The following NGEF variants were observed in gnomAD, a reference collection of about 807,000 sequenced individuals.
The protein encoded by NGEF is ephexin-1.
Under a neutral mutation model 80.9 loss-of-function variants are expected in NGEF, and 31 were observed. That is an observed-to-expected ratio of 0.38 (90% CI 0.29 to 0.52). The LOEUF (loss-of-function observed/expected upper bound fraction) is 0.52, where lower values mean the gene tolerates loss of function less well. NGEF is among the 20% of genes least tolerant of loss of function. The pLI is 0.84. For synonymous variants in NGEF, 371 were observed against 370.2 expected, an observed-to-expected ratio of 1.00 and a Z score of -0.03; for missense variants, 709 against 926.2, an observed-to-expected ratio of 0.77 and a Z score of 3.04.
intron 3 of NGEF, among the ~76,000 whole-genome samples, chr2:232,968,486 A>G (rs1390883788): frequency 1.3e-5 from 2 of 151,726 alleles, no homozygotes; most frequent in Admixed American, 6.6e-5. Flanking sequence ...GCTTACTGCA[A>G]TCTCTGCCTT....
intron 2 of NGEF, among the ~76,000 whole-genome samples, chr2:232,971,521 C>T (rs577315449): frequency 6.6e-6 from 1 of 152,220 alleles, no homozygotes; most frequent in African/African-American, 2.4e-5. Flanking sequence ...CCTGTCTCTA[C>T]TAAAAATACA....
At chr2:232,905,991 C>A (rs1164774550) in intron 5 of NGEF, 1 of 142,204 alleles carries the variant, frequency 7.0e-6, no homozygotes, top group Non-Finnish European at 1.5e-5. Flanking sequence ...GCCCCTCTGC[C>A]CGGCCAGCCG....
chr2:233,007,424 C>T (rs146587128), intron 1 of NGEF, among the ~76,000 whole-genome samples: 5 of 152,274 alleles, frequency 3.3e-5, no homozygotes, highest in African/African-American at 1.2e-4. Context: ...TGTGTCTGAG[C>T]CCTGCTCAGG....
intron 1 of NGEF, among the ~76,000 whole-genome samples, chr2:232,978,992 T>C (rs1444199760): frequency 6.6e-6 from 1 of 152,184 alleles, no homozygotes; most frequent in Non-Finnish European, 1.5e-5. Flanking sequence ...GTTGCCTGTG[T>C]CAGTGCTGAT....
chr2:232,991,199 A>G (rs1297316220), intron 1 of NGEF, among the ~76,000 whole-genome samples: 3 of 152,136 alleles, frequency 2.0e-5, no homozygotes, highest in Admixed American at 2.0e-4. Context: ...CACTCTCACC[A>G]CTACTGTTCA....
At chr2:232,897,005 AGGGTAGGGGCGAGTGTGG>A (rs1692115391) in intron 5 of NGEF, among the ~76,000 whole-genome samples, 1 of 102,332 alleles carries the variant, frequency 9.8e-6, no homozygotes, top group African/African-American at 3.9e-5. Flanking sequence ...GGTGCGGGTG[AGGGTAGGGGCGAGTGTGG>A]GGGTAGGAGT....
intron 5 of NGEF, among the ~76,000 whole-genome samples, chr2:232,912,062 C>A (rs1261425006): frequency 6.6e-6 from 1 of 152,164 alleles, no homozygotes; most frequent in Non-Finnish European, 1.5e-5. Flanking sequence ...AGTGAAGGAA[C>A]AGACAGCCTT....
chr2:233,004,769 C>T (rs1229565101), intron 1 of NGEF, among the ~76,000 whole-genome samples: 3 of 151,956 alleles, frequency 2.0e-5, no homozygotes, highest in Admixed American at 2.0e-4. Flanking sequence ...GAATCAGGCT[C>T]GGCTTTGCCT....
At position 233,007,573 on chromosome 2, in the gene NGEF, G is replaced by T. The variant is rs151248401; in HGVS notation, c.-75+5495C>A. ...GACCCTAGCACTGCTCACATGAGAA[G>T]ATGCTGGCTGTCTATGCATGCTACT... On this transcript the variant is annotated intron_variant, in intron 1 of 14. Transcript: ENST00000264051. Among the ~76,000 whole-genome samples the T allele has an allele frequency of 4.5e-3, 689 of 152,330 alleles. 5 individuals carry two copies. Among genetic ancestry groups the T allele is most frequent in the Non-Finnish European group, 7.4e-3 (506 of 68,028 alleles).
intron 3 of NGEF, among the ~76,000 whole-genome samples, chr2:232,956,781 TAAAAAAAA>T (rs57407464): frequency 0.1 from 6,209 of 62,244 alleles, 367 homozygotes; most frequent in African/African-American, 0.26. Flanking sequence ...AGACTCCATC[TAAAAAAAA>T]AAAAAAAAAA....
intron 1 of NGEF, among the ~76,000 whole-genome samples, chr2:232,988,748 T>C (rs1433061975): frequency 6.6e-6 from 1 of 152,132 alleles, no homozygotes; most frequent in Non-Finnish European, 1.5e-5. Flanking sequence ...GCAACCGGGG[T>C]GTCTTTTGAT....
rs572683356 is a variant in NGEF at position 233,010,268 on chromosome 2, C to T, written c.-75+2800G>A. Among the ~76,000 whole-genome samples, 4 of 152,298 alleles carry T rather than the reference C, an allele frequency of 2.6e-5. No individual in the cohort carries two copies. The East Asian group carries it at 7.7e-4, about 29-fold the overall frequency. On this transcript the variant is annotated intron_variant, in intron 1 of 14. Transcript: ENST00000264051. ...CCAACCCTTACTGCAGGGCTCCCTC[C>T]CTTTTGCTAAAACCCTGCTGTCCCT...
intron 3 of NGEF, among the ~76,000 whole-genome samples, chr2:232,941,965 T>G (rs1250244247): frequency 7.4e-6 from 1 of 135,678 alleles, no homozygotes; most frequent in Non-Finnish European, 1.5e-5. Flanking sequence ...CCCTTTTCCT[T>G]CCATAAATCC....
Position 232,879,322 on chromosome 2 carries a change from C to T in NGEF, c.*167G>A. 1.5e-6 allele frequency: 1 copy of T among 648,156 alleles called. No homozygotes were observed. The highest frequency in any genetic ancestry group is 2.6e-6 in the Non-Finnish European group (1 of 381,514). 40.2% of individuals were successfully genotyped at this position (648,156 alleles called of 1,614,324 possible). ...TTTATCCAGTTTGCGAGCAAGGGGC[C>T]AAGACACATGAGCACTCACTGCGTG... On this transcript the variant is annotated 3_prime_UTR_variant, in exon 15 of 15. Coordinates refer to ENST00000264051, the MANE Select transcript of NGEF (RefSeq NM_019850.3).
intron 1 of NGEF, among the ~76,000 whole-genome samples, chr2:232,984,066 C>T (rs1296245787): frequency 6.6e-6 from 1 of 152,166 alleles, no homozygotes; most frequent in African/African-American, 2.4e-5. Context: ...ATGCGCTTTC[C>T]TGATGCTGGG....
intron 1 of NGEF, among the ~76,000 whole-genome samples, chr2:232,990,530 G>C (rs1345019700): frequency 1.3e-5 from 2 of 152,048 alleles, no homozygotes; most frequent in Non-Finnish European, 2.9e-5. Flanking sequence ...AAATTCATCT[G>C]CAGGATAAAC....
chr2:232,897,330 G>A (rs1020432809), intron 5 of NGEF, among the ~76,000 whole-genome samples: 2 of 152,020 alleles, frequency 1.3e-5, no homozygotes, highest in Admixed American at 6.5e-5. Context: ...GGTTTTGCAG[G>A]CTGTTTCACT....
chr2:232,914,957 C>T (rs1043155108), intron 5 of NGEF, among the ~76,000 whole-genome samples: 1 of 148,422 alleles, frequency 6.7e-6, no homozygotes, highest in African/African-American at 2.5e-5. Context: ...GCAGAGGCTG[C>T]AGCAAGCCGA....
intron 2 of NGEF, 148 bp from the exon 3 acceptor site, chr2:232,970,476 A>T: frequency 3.5e-6 from 2 of 563,634 alleles, no homozygotes; most frequent in Non-Finnish European, 6.3e-6. Context: ...CACTCCCTGA[A>T]GGGGAGTTTG....
Sources: gnomAD v4.1 joint callset for allele counts (sites outside exome capture counted in the v4.1 genomes callset) on GRCh38, gnomAD v4.1.1 for gene constraint, MANE v1.5 for transcripts, NCBI Gene and HGNC (gene_info 2026-07-23, HGNC 2026-07-21) for gene names.